The following PPP2R2D variants were observed in gnomAD, a reference collection of about 807,000 sequenced individuals.
The protein encoded by PPP2R2D is protein phosphatase 2 regulatory subunit Bdelta, also known as serine/threonine-protein phosphatase 2A 55 kDa regulatory subunit B delta isoform.
PPP2R2D carries 9 observed loss-of-function variants against 31.1 expected under a neutral mutation model. The ratio of observed to expected loss-of-function variants is 0.29; its 90% confidence interval spans 0.17 to 0.51. The LOEUF (loss-of-function observed/expected upper bound fraction) is 0.51, where lower values mean the gene tolerates loss of function less well. Among genes scored for constraint, PPP2R2D ranks in the 20% least tolerant of loss-of-function variants. The pLI is 0.98. For missense variants in PPP2R2D, 391 were observed against 465.6 expected (o/e 0.84, Z 1.48); for synonymous variants, 179 against 172.6 (o/e 1.04, Z -0.29).
At chr10:131,960,946 C>T (rs1215768853), downstream of PPP2R2D, among the ~76,000 whole-genome samples, 2 of 152,144 alleles carry the variant, frequency 1.3e-5, no homozygotes, top group Non-Finnish European at 2.9e-5. Context: ...CTGGGCTGGG[C>T]CAGGGGTGCT....
At chr10:131,968,801 A>C in the PPP2R2D span, 1 of 397,738 alleles carries the variant, frequency 2.5e-6, no homozygotes, top group South Asian at 3.1e-5. Context: ...TCTTACATAG[A>C]AGGATCACCA....
chr10:131,917,519 TTTG>T (rs2035834170), intron 2 of PPP2R2D, among the ~76,000 whole-genome samples: 1 of 80,002 alleles, frequency 1.2e-5, no homozygotes, highest in Non-Finnish European at 2.6e-5. Context: ...TGACACAGTG[TTTG>T]TAGGGACCTC....
chr10:131,906,550 A>T (rs1312934337), intron 2 of PPP2R2D, among the ~76,000 whole-genome samples: 1 of 152,172 alleles, frequency 6.6e-6, no homozygotes, highest in Non-Finnish European at 1.5e-5. Flanking sequence ...ACTTTGAAAG[A>T]AACATTTTAA....
Position 131,925,746 on chromosome 10 carries a change from G to A in PPP2R2D, c.101-8712G>A, listed in dbSNP as rs556017679. On this transcript the variant is annotated intron_variant, in intron 2 of 8. Coordinates refer to ENST00000455566, the MANE Select transcript of PPP2R2D (RefSeq NM_018461.5). Reference sequence around the variant, plus strand: ...TGCAACCAGGAAAAATTAGGCATGCGGATACATTGAAGGGTGAGGAGGCAG... The same window carrying A: ...TGCAACCAGGAAAAATTAGGCATGCAGATACATTGAAGGGTGAGGAGGCAG... Among the ~76,000 whole-genome samples, 9 of 152,184 alleles carry A rather than the reference G, an allele frequency of 5.9e-5. No individual in the cohort carries two copies. In the South Asian group the frequency reaches 8.3e-4, roughly 14 times the overall value.
At chr10:131,904,693 C>G (rs1476635791) in intron 2 of PPP2R2D, among the ~76,000 whole-genome samples, 1 of 152,178 alleles carries the variant, frequency 6.6e-6, no homozygotes, top group African/African-American at 2.4e-5. Context: ...GCCCTGCACT[C>G]TGGCCGTCTT....
chr10:131,969,489 T>C, the PPP2R2D span: 2 of 151,810 alleles, frequency 1.3e-5, no homozygotes, highest in Non-Finnish European at 2.9e-5. Flanking sequence ...AGGTGACGGG[T>C]TATGGGGGGG....
At chr10:131,969,984 GC>G in the PPP2R2D span, 1 of 152,602 alleles carries the variant, frequency 6.6e-6, no homozygotes, top group East Asian at 1.9e-4. Flanking sequence ...TTCGAGATCA[GC>G]CTGGGCAACG....
chr10:131,956,428 G>T lies in PPP2R2D; in HGVS notation c.*465G>T. On this transcript the variant is annotated 3_prime_UTR_variant, in exon 9 of 9. Coordinates refer to ENST00000455566, the MANE Select transcript of PPP2R2D (RefSeq NM_018461.5). ...TCCTCCGAGTCCAGGTGGACTCTGT[G>T]GATGTGTGGATGTGGCCCGAGCAGG... 1.0e-6 allele frequency: 1 copy of T among 985,726 alleles called. No individual in the cohort carries two copies. The allele number at this position is 985,726 out of a possible 1,614,324, so 61.1% of individuals were successfully genotyped here.
intron 2 of PPP2R2D, among the ~76,000 whole-genome samples, chr10:131,913,752 A>C (rs1357447291): frequency 1.3e-5 from 2 of 152,204 alleles, no homozygotes; most frequent in Non-Finnish European, 1.5e-5. Context: ...TGGGAACGCC[A>C]TGGCAGGTGT....
At chr10:131,919,037 G>T (rs368128577) in intron 2 of PPP2R2D, among the ~76,000 whole-genome samples, 4 of 108,284 alleles carry the variant, frequency 3.7e-5, no homozygotes, top group Admixed American at 1.9e-4. Flanking sequence ...GACCTCAGGC[G>T]AGCGGGATGA....
At chr10:131,908,494 T>C (rs2035632934) in intron 2 of PPP2R2D, among the ~76,000 whole-genome samples, 1 of 152,200 alleles carries the variant, frequency 6.6e-6, no homozygotes, top group East Asian at 1.9e-4. Flanking sequence ...TTTTATCACA[T>C]GTATTATTAG....
At chr10:131,948,886 A>G (rs782278598) in intron 8 of PPP2R2D, among the ~76,000 whole-genome samples, 19 of 152,226 alleles carry the variant, frequency 1.2e-4, no homozygotes, top group Admixed American at 2.6e-4. Context: ...GATAGGGTCC[A>G]AAGGGCAGTT....
At chr10:131,951,338 G>A (rs2036631956) in intron 8 of PPP2R2D, among the ~76,000 whole-genome samples, 1 of 152,252 alleles carries the variant, frequency 6.6e-6, no homozygotes, top group Non-Finnish European at 1.5e-5. Context: ...TGCATCATTA[G>A]AGGAATGGAC....
downstream of PPP2R2D, among the ~76,000 whole-genome samples, chr10:131,960,637 G>A (rs1388796016): frequency 6.6e-6 from 1 of 152,194 alleles, no homozygotes; most frequent in Non-Finnish European, 1.5e-5. Flanking sequence ...GCTCCCGGCC[G>A]GAAGAAGCTG....
At chr10:131,943,893 G>A (rs1364787190) in intron 5 of PPP2R2D, 75 bp from the exon 6 acceptor site, 22 of 692,480 alleles carry the variant, frequency 3.2e-5, no homozygotes, top group South Asian at 6.5e-5. Flanking sequence ...GTCCTCTTTC[G>A]TTATCTACTA....
chr10:131,910,141 A>G (rs2035660235), intron 2 of PPP2R2D, among the ~76,000 whole-genome samples: 1 of 152,136 alleles, frequency 6.6e-6, no homozygotes, highest in Non-Finnish European at 1.5e-5. Context: ...AGCGTGTTTG[A>G]GTGTGCCGGC....
intron 2 of PPP2R2D, among the ~76,000 whole-genome samples, chr10:131,913,463 C>G (rs902505389): frequency 6.6e-6 from 1 of 152,030 alleles, no homozygotes; most frequent in South Asian, 2.1e-4. Context: ...ATACATGTGT[C>G]TTTGACTAGA....
intron 3 of PPP2R2D, among the ~76,000 whole-genome samples, chr10:131,935,528 C>T (rs562513292): frequency 3.2e-4 from 48 of 152,168 alleles, no homozygotes; most frequent in Non-Finnish European, 6.3e-4. Flanking sequence ...TGTCCCTGGG[C>T]CACATGAGGA....
chr10:131,932,705 A>G (rs537023462), intron 2 of PPP2R2D, among the ~76,000 whole-genome samples: 1 of 149,210 alleles, frequency 6.7e-6, no homozygotes, highest in Admixed American at 6.7e-5. Flanking sequence ...CTTTAGTACC[A>G]TATTTATGCC....
Sources: gnomAD v4.1 joint callset for allele counts (sites outside exome capture counted in the v4.1 genomes callset) on GRCh38, gnomAD v4.1.1 for gene constraint, MANE v1.5 for transcripts, NCBI Gene and HGNC (gene_info 2026-07-23, HGNC 2026-07-21) for gene names.